GSR: variants seen among roughly 807,000 people sequenced by gnomAD.
GSR encodes the protein glutathione-disulfide reductase, also known as glutathione reductase, mitochondrial.
A neutral mutation model predicts 56.5 loss-of-function variants in GSR; 48 were observed. The observed-to-expected ratio is 0.85, with a 90% CI of 0.67 to 1.08. The LOEUF (loss-of-function observed/expected upper bound fraction) is 1.08, where lower values mean the gene tolerates loss of function less well. Among genes scored for constraint, GSR ranks in the 50% least tolerant of loss-of-function variants. The pLI is 0.00. For synonymous variants in GSR, 264 were observed against 270.8 expected (o/e 0.97, Z 0.25); for missense variants, 694 against 703.3 (o/e 0.99, Z 0.15).
intron 9 of GSR, 36 bp downstream of exon 9, chr8:30,689,125 A>T: frequency 1.2e-6 from 2 of 1,606,122 alleles, no homozygotes; most frequent in Non-Finnish European, 8.5e-7. Context: ...CTCCTAGTAG[A>T]TTCACAAATG....
intron 1 of GSR, 33 bp downstream of exon 1, chr8:30,727,497 C>T: frequency 6.6e-7 from 1 of 1,522,848 alleles, no homozygotes; most frequent in Non-Finnish European, 8.8e-7. Flanking sequence ...GACAAAGAGG[C>T]GCCCCCCGCC....
chr8:30,709,493 G>A (rs984969775), intron 3 of GSR, among the ~76,000 whole-genome samples: 2 of 152,168 alleles, frequency 1.3e-5, no homozygotes, highest in Non-Finnish European at 2.9e-5. Flanking sequence ...CCTAGAATTG[G>A]CAAATTCATA....
At chr8:30,724,656 C>T (rs1804664909) in intron 1 of GSR, among the ~76,000 whole-genome samples, 1 of 138,584 alleles carries the variant, frequency 7.2e-6, no homozygotes, top group South Asian at 2.4e-4. Context: ...TCAAGTGATT[C>T]TCATGCCTCA....
At chr8:30,690,653 G>A (rs1803349314) in intron 8 of GSR, among the ~76,000 whole-genome samples, 1 of 152,282 alleles carries the variant, frequency 6.6e-6, no homozygotes, top group East Asian at 1.9e-4. Flanking sequence ...GGGAAGGGAA[G>A]ATCATTTTTA....
intron 8 of GSR, 65 bp from the exon 9 acceptor site, chr8:30,689,384 G>C (rs1168987172): frequency 7.6e-7 from 1 of 1,312,702 alleles, no homozygotes; most frequent in Non-Finnish European, 1.1e-6. Context: ...AAGAAGGAAA[G>C]CAAATACAGA....
Position 30,696,474 on chromosome 8 carries a change from C to G in GSR, c.701G>C (p.Ser234Thr). ...AATGTAACCTGCACCAACAATGACGCTGCGGCTGAGACGCGAGCAGAGGGT... is the reference window on the plus strand; with the variant it reads ...AATGTAACCTGCACCAACAATGACGGTGCGGCTGAGACGCGAGCAGAGGGT... ...FFQLEELPGR[S>T]VIVGAGYIAV... The change falls in exon 7 of 13, where the codon AGC becomes ACC. Residue 234 changes from serine to threonine, a missense_variant. Ser to Thr is a moderately conservative substitution (Grantham distance 58, BLOSUM62 1). Transcript: ENST00000221130. 6.2e-7 allele frequency: 1 copy of G among 1,608,938 alleles called. No homozygotes were observed. The highest frequency in any genetic ancestry group is 8.5e-7 in the Non-Finnish European group (1 of 1,175,284).
rs781738109 is a variant in GSR at position 30,680,884 on chromosome 8, T to C, written c.1419+20A>G. On this transcript the variant is annotated intron_variant, in intron 12 of 12. Coordinates refer to ENST00000221130, the MANE Select transcript of GSR (RefSeq NM_000637.5). ...GTCCATTTTGCAAGGCACTATTTAG[T>C]TTGCTGGATTTTTCCTTACCTTTTC... 3.2e-5 allele frequency: 51 copies of C among 1,611,224 alleles called. 1 individual carries two copies. In the Middle Eastern group the frequency reaches 1.2e-3, roughly 36 times the overall value.
At chr8:30,712,816 C>A (rs1046687071) in intron 1 of GSR, among the ~76,000 whole-genome samples, 1 of 152,144 alleles carries the variant, frequency 6.6e-6, no homozygotes, top group East Asian at 1.9e-4. Context: ...TTGAGAAAAC[C>A]TAAATAAATA....
chr8:30,723,687 G>A (rs954540180), intron 1 of GSR, among the ~76,000 whole-genome samples: 2 of 151,898 alleles, frequency 1.3e-5, no homozygotes, highest in Middle Eastern at 3.4e-3. Flanking sequence ...AGCTACTTAC[G>A]AGGCTGAGGC....
chr8:30,684,093 G>A lies in GSR; in HGVS notation c.1148C>T (p.Thr383Ile). The A allele has an allele frequency of 6.5e-7, 1 of 1,530,514 alleles. No individual in the cohort carries two copies. Among genetic ancestry groups the A allele is most frequent in the Non-Finnish European group, 9.1e-7 (1 of 1,103,710 alleles). 94.8% of individuals were successfully genotyped at this position (1,530,514 alleles called of 1,614,324 possible). ...VGDVCGKALL[T>I]PVAIAAGRKL... is the part of the protein sequence containing the mutation. Reference sequence around the variant, plus strand: ...AAGAAGGGAAGAGACCTTACCTGGAGTAAGAAGAGCTTTTCCACATACATC... The same window carrying A: ...AAGAAGGGAAGAGACCTTACCTGGAATAAGAAGAGCTTTTCCACATACATC... The change falls in exon 10 of 13, where the codon ACT becomes ATT. Residue 383 changes from threonine to isoleucine, a missense_variant. By Grantham distance (89) the Thr-to-Ile change is moderately conservative. Coordinates refer to ENST00000221130, the MANE Select transcript of GSR (RefSeq NM_000637.5).
chr8:30,716,544 A>C (rs1804339545), intron 1 of GSR, among the ~76,000 whole-genome samples: 1 of 152,256 alleles, frequency 6.6e-6, no homozygotes, highest in South Asian at 2.1e-4. Context: ...GTGGCGGCTC[A>C]TGCCTATAAT....
chr8:30,699,918 G>A (rs1158510245), intron 6 of GSR, among the ~76,000 whole-genome samples, 163 bp downstream of exon 6: 1 of 152,148 alleles, frequency 6.6e-6, no homozygotes, highest in Non-Finnish European at 1.5e-5. Flanking sequence ...GATCTACTGA[G>A]GAGTTCTAGG....
At chr8:30,703,333 T>C (rs953454322) in intron 4 of GSR, 93 bp from the exon 5 acceptor site, 15 of 1,198,172 alleles carry the variant, frequency 1.3e-5, no homozygotes, top group Non-Finnish European at 1.7e-5. Context: ...CTACTGAACA[T>C]TTTGATTCTT....
intron 2 of GSR, among the ~76,000 whole-genome samples, chr8:30,710,487 G>A (rs543476070): frequency 1.3e-5 from 2 of 151,012 alleles, no homozygotes; most frequent in Non-Finnish European, 3.0e-5. Context: ...AAGGCAGAGG[G>A]AGGTAGATCA....
chr8:30,712,037 A>T, intron 2 of GSR, 25 bp downstream of exon 2: 1 of 1,208,560 alleles, frequency 8.3e-7, no homozygotes, highest in Non-Finnish European at 1.2e-6. Context: ...AGGATTGTAA[A>T]GGGAAAGAGA....
rs546284672 is a variant in GSR at position 30,727,300 on chromosome 8, C to T, written c.306+230G>A. ...GCCCCGGCCCTGGTCAATATCGCAT[C>T]CGTGCGGAAGCAGACGCTGGCTCGG... On this transcript the variant is annotated intron_variant, in intron 1 of 12. Coordinates refer to ENST00000221130, the MANE Select transcript of GSR (RefSeq NM_000637.5). Among the ~76,000 whole-genome samples, 396 of 152,320 alleles carry T rather than the reference C, an allele frequency of 2.6e-3. 5 individuals carry two copies. The highest frequency in any genetic ancestry group is 8.6e-3 in the African/African-American group (358 of 41,576).
intron 12 of GSR, among the ~76,000 whole-genome samples, 181 bp from the exon 13 acceptor site, chr8:30,679,850 C>T (rs564964865): frequency 6.7e-4 from 102 of 151,722 alleles, no homozygotes; most frequent in Non-Finnish European, 1.0e-3. Flanking sequence ...GGATTACAGG[C>T]GCGCACCACC....
chr8:30,713,811 C>T (rs1804239045), intron 1 of GSR, among the ~76,000 whole-genome samples: 1 of 152,134 alleles, frequency 6.6e-6, no homozygotes, highest in Admixed American at 6.6e-5. Context: ...TTACAGTAAC[C>T]TAGAAAAGTA....
chr8:30,678,574 C>T lies in GSR; in HGVS notation c.*946G>A, dbSNP rs545931781. On this transcript the variant is annotated 3_prime_UTR_variant, in exon 13 of 13. Transcript: ENST00000221130. ...ATGCAGTCTTGCTATGCTGTGCATG[C>T]TGGCCTCAAACTTGTAGGCTCAAGT... The T allele has an allele frequency of 6.6e-6, 1 of 151,986 alleles. No individual in the cohort carries two copies. Among genetic ancestry groups the T allele is most frequent in the East Asian group, 1.9e-4 (1 of 5,176 alleles). The allele number at this position is 151,986 out of a possible 1,614,324, so 9.4% of individuals were successfully genotyped here.
Sources: gnomAD v4.1 joint callset for allele counts (sites outside exome capture counted in the v4.1 genomes callset) on GRCh38, gnomAD v4.1.1 for gene constraint, MANE v1.5 for transcripts, NCBI Gene and HGNC (gene_info 2026-07-23, HGNC 2026-07-21) for gene names.